Variants in LCE1F observed in about 807,000 individuals in gnomAD.
LCE1F encodes late cornified envelope protein 1F.
For missense variants in LCE1F, 154 were observed against 153.5 expected (o/e 1.00, Z -0.02); for synonymous variants, 67 against 59.9 (o/e 1.12, Z -0.55).
At chr1:152,775,959 A>ATTTTTTTTTTTTTTTTTTTTTTTTTTTT (rs1557832103) in intron 1 of LCE1F, among the ~76,000 whole-genome samples, 1 of 150,906 alleles carries the variant, frequency 6.6e-6, no homozygotes, top group African/African-American at 2.5e-5. Flanking sequence ...ATTTATTTTG[A>ATTTTTTTTTTTTTTTTTTTTTTTTTTTT]TTTTTCCTTA....
chr1:152,776,856 G>T lies in LCE1F; in HGVS notation c.*128G>T. On this transcript the variant is annotated 3_prime_UTR_variant, in exon 2 of 2. Coordinates refer to ENST00000334371, the MANE Select transcript of LCE1F (RefSeq NM_178354.3). ...AAACTCTGTCCTGGAAGATTCCTCC[G>T]ACCTAGAATCCAGAAATCTGCCCTC... is the stretch of plus-strand genomic sequence containing the variant. 1 of 1,145,902 alleles carries T rather than the reference G, an allele frequency of 8.7e-7. No individual in the cohort carries two copies. The highest frequency in any genetic ancestry group is 2.0e-5 in the South Asian group (1 of 50,906). The allele number at this position is 1,145,902 out of a possible 1,614,324, so 71.0% of individuals were successfully genotyped here.
chr1:152,775,773 CCCCGGAACAAA>C (rs1570846543), intron 1 of LCE1F, among the ~76,000 whole-genome samples: 2 of 152,244 alleles, frequency 1.3e-5, no homozygotes, highest in East Asian at 3.9e-4. Flanking sequence ...AACCAGGGGA[CCCCGGAACAAA>C]TGTGACTGTT....
At chr1:152,776,285 A>G (rs1306379210) in intron 1 of LCE1F, 65 bp from the exon 2 acceptor site, 2 of 1,371,034 alleles carry the variant, frequency 1.5e-6, no homozygotes, top group East Asian at 4.6e-5. Context: ...AATAATGCAG[A>G]AAGGACAAGA....
rs1489538087 is a variant in LCE1F at position 152,776,671 on chromosome 1, A to C, written c.300A>C (p.Ser100=). 1 of 1,599,158 alleles carries C rather than the reference A, an allele frequency of 6.3e-7. No individual in the cohort carries two copies. Among genetic ancestry groups the C allele is most frequent in the Non-Finnish European group, 8.5e-7 (1 of 1,172,002 alleles). ...GCTCTGACTGCTGCAGCCAGCCCTC[A>C]GCGGGCTCCAGCTGCTGCGGAGGGG... ...PQSSDCCSQP[S]AGSSCCGGGS... is the part of the protein sequence containing the mutation. The change falls in exon 2 of 2, where the codon TCA becomes TCC. Residue 100 remains serine, a synonymous_variant. Coordinates refer to ENST00000334371, the MANE Select transcript of LCE1F (RefSeq NM_178354.3).
rs753668891 is a variant in LCE1F at position 152,776,552 on chromosome 1, A to C, written c.181A>C (p.Ser61Arg). The part of the protein sequence containing the change: ...CCGSSSGGCC[S>R]SGGGGCCSSG... ...TGGCTCCAGCTCTGGGGGCTGCTGC[A>C]GCTCTGGGGGTGGTGGCTGCTGCAG... The change falls in exon 2 of 2, where the codon AGC becomes CGC. Residue 61 changes from serine (S) to arginine (R), a missense_variant. Physicochemically the swap from Ser to Arg is moderately radical, Grantham distance 110. Coordinates refer to ENST00000334371, the MANE Select transcript of LCE1F (RefSeq NM_178354.3). The C allele has an allele frequency of 6.2e-7, 1 of 1,613,614 alleles. No homozygotes were observed. The highest frequency in any genetic ancestry group is 2.2e-5 in the East Asian group (1 of 44,868).
In LCE1F at chr1:152,776,529, G is replaced by T. The variant is rs1220558682; in HGVS notation, c.158G>T (p.Gly53Val). Reference protein sequence around the residue: ...CCSVSSGGCCGSSSGGCCSSG... With the variant: ...CCSVSSGGCCVSSSGGCCSSG... ...AGCGTCAGCTCCGGAGGCTGCTGTG[G>T]CTCCAGCTCTGGGGGCTGCTGCAGC... Residue 53 changes from glycine (G) to valine (V), a missense_variant, in exon 2 of 2, where the codon GGC becomes GTC. Physicochemically the swap from Gly to Val is moderately radical, Grantham distance 109. Coordinates refer to ENST00000334371, the MANE Select transcript of LCE1F (RefSeq NM_178354.3). 6.2e-7 allele frequency: 1 copy of T among 1,612,514 alleles called. No homozygotes were observed. Among genetic ancestry groups the T allele is most frequent in the South Asian group, 1.1e-5 (1 of 91,014 alleles).
intron 1 of LCE1F, among the ~76,000 whole-genome samples, chr1:152,775,642 T>G (rs1651558737): frequency 6.6e-6 from 1 of 152,180 alleles, no homozygotes; most frequent in Admixed American, 6.5e-5. Flanking sequence ...TCTTGTTAGA[T>G]GCCAACAAGA....
At position 152,776,723 on chromosome 1, in the gene LCE1F, T is replaced by C; in HGVS notation, c.352T>C (p.Cys118Arg). The change falls in exon 2 of 2, where the codon TGC (cysteine) becomes CGC (arginine). Residue 118 changes from cysteine to arginine, a missense_variant. Physicochemically the swap from Cys to Arg is radical, Grantham distance 180 (BLOSUM62 -3). Transcript: ENST00000334371. ...CAGTGGCCAGCACTCTGGAGGCTGC[T>C]GCTGAAGTGGACCCTGTGCCTAAAA... ...GGSGQHSGGCC is the reference protein window; with the variant it reads ...GGSGQHSGGCR 1 of 1,551,118 alleles carries C rather than the reference T, an allele frequency of 6.4e-7. No individual in the cohort carries two copies. The highest frequency in any genetic ancestry group is 8.7e-7 in the Non-Finnish European group (1 of 1,151,006).
In LCE1F at chr1:152,776,497, C is replaced by T. The variant is rs778762635; in HGVS notation, c.126C>T (p.Ser42=). ...CCCCTAAGTGCCCTCCTGTCTCTTC[C>T]TGCTGCAGCGTCAGCTCCGGAGGCT... The part of the protein sequence containing the change: ...KCPPKCPPVS[S]CCSVSSGGCC... The change falls in exon 2 of 2, where the codon TCC becomes TCT. Residue 42 remains serine, a synonymous_variant. Transcript: ENST00000334371. The T allele has an allele frequency of 2.5e-6, 4 of 1,614,050 alleles. No homozygotes were observed. Among genetic ancestry groups the T allele is most frequent in the Non-Finnish European group, 3.4e-6 (4 of 1,180,048 alleles).
rs115678527 is a variant in LCE1F at position 152,776,419 on chromosome 1, C to A, written c.48C>A (p.Cys16Ter). The A allele has an allele frequency of 4.2e-4, 671 of 1,613,822 alleles. 6 individuals are homozygous for A. In the East Asian group the frequency reaches 0.014, roughly 35 times the overall value. The part of the protein sequence containing the change: ...SQQQCQPPPK[C>*]TPKCPPKCPT... The stretch of plus-strand genomic sequence containing the variant: ...AGCAGTGCCAGCCCCCTCCCAAGTG[C>A]ACTCCCAAGTGCCCTCCCAAGTGCC... Residue 16 changes from cysteine to a stop codon, truncating the protein, a stop_gained, in exon 2 of 2, where the codon TGC becomes TGA. Coordinates refer to ENST00000334371, the MANE Select transcript of LCE1F (RefSeq NM_178354.3). LOFTEE classifies it high-confidence loss of function.
Position 152,776,834 on chromosome 1 carries a change from C to T in LCE1F, c.*106C>T, listed in dbSNP as rs1384746087. The stretch of plus-strand genomic sequence containing the variant: ...GGGACATTTTAGTAAAGATTTCAAA[C>T]TCTGTCCTGGAAGATTCCTCCGACC... On this transcript the variant is annotated 3_prime_UTR_variant, in exon 2 of 2. Coordinates refer to ENST00000334371, the MANE Select transcript of LCE1F (RefSeq NM_178354.3). 9 of 1,337,030 alleles carry T rather than the reference C, an allele frequency of 6.7e-6. No individual in the cohort carries two copies. In the East Asian group the frequency reaches 1.2e-4, roughly 18 times the overall value. The allele number at this position is 1,337,030 out of a possible 1,614,324, so 82.8% of individuals were successfully genotyped here.
chr1:152,776,339 C>A lies in LCE1F; in HGVS notation c.-22-11C>A. The A allele has an allele frequency of 6.2e-7, 1 of 1,607,744 alleles. No homozygotes were observed. Among genetic ancestry groups the A allele is most frequent in the Non-Finnish European group, 8.5e-7 (1 of 1,174,974 alleles). ...TGCCTCCATCTAACTTGCTGTCTGA[C>A]CCTCCTTCAGCTCCTGAACACCCGC... is the stretch of plus-strand genomic sequence containing the variant. On this transcript the variant is annotated splice_polypyrimidine_tract_variant and intron_variant, in intron 1 of 1. Coordinates refer to ENST00000334371, the MANE Select transcript of LCE1F (RefSeq NM_178354.3).
rs754008367 is a variant in LCE1F at position 152,776,461 on chromosome 1, C to T, written c.90C>T (p.Pro30=). Residue 30 remains proline (P), a synonymous_variant, in exon 2 of 2, where the codon CCC becomes CCT. Coordinates refer to ENST00000334371, the MANE Select transcript of LCE1F (RefSeq NM_178354.3). ...CPPKCPTPKC[P]PKCPPKCPPV... ...CCAAGTGCCCCACACCGAAGTGCCC[C>T]CCAAAGTGTCCCCCTAAGTGCCCTC... 6.8e-6 allele frequency: 11 copies of T among 1,613,898 alleles called. No individual in the cohort carries two copies. Among genetic ancestry groups the T allele is most frequent in the South Asian group, 1.1e-5 (1 of 91,076 alleles).
At chr1:152,775,955 T>C (rs1479089266) in intron 1 of LCE1F, among the ~76,000 whole-genome samples, 5 of 152,196 alleles carry the variant, frequency 3.3e-5, no homozygotes, top group Admixed American at 3.3e-4. Flanking sequence ...AGAAATTTAT[T>C]TTGATTTTTC....
At chr1:152,776,261 A>T in intron 1 of LCE1F, 89 bp from the exon 2 acceptor site, 1 of 1,176,110 alleles carries the variant, frequency 8.5e-7, no homozygotes, top group Non-Finnish European at 1.2e-6. Context: ...GGCTTTCAAA[A>T]TGAAGGATCT....
chr1:152,776,554 C>T lies in LCE1F; in HGVS notation c.183C>T (p.Ser61=), dbSNP rs757163411. Residue 61 remains serine (S), a synonymous_variant, in exon 2 of 2, where the codon AGC becomes AGT. Transcript: ENST00000334371. Reference sequence around the variant, plus strand: ...GCTCCAGCTCTGGGGGCTGCTGCAGCTCTGGGGGTGGTGGCTGCTGCAGCT... The same window carrying T: ...GCTCCAGCTCTGGGGGCTGCTGCAGTTCTGGGGGTGGTGGCTGCTGCAGCT... ...CCGSSSGGCC[S]SGGGGCCSSG... is the part of the protein sequence containing the mutation. The T allele has an allele frequency of 6.2e-7, 1 of 1,613,808 alleles. No homozygotes were observed. The highest frequency in any genetic ancestry group is 1.3e-5 in the African/African-American group (1 of 74,930).
chr1:152,775,535 G>A (rs1258091573), intron 1 of LCE1F, among the ~76,000 whole-genome samples: 1 of 152,208 alleles, frequency 6.6e-6, no homozygotes, highest in Middle Eastern at 3.2e-3. Flanking sequence ...TGCATAGTGG[G>A]AATATAATTT....
intron 1 of LCE1F, among the ~76,000 whole-genome samples, 187 bp downstream of exon 1, chr1:152,775,377 T>G: frequency 6.6e-6 from 1 of 150,990 alleles, no homozygotes; most frequent in Non-Finnish European, 1.5e-5. Flanking sequence ...AGGGGTGGGG[T>G]GGAGTGAGAG....
chr1:152,776,352 C>T lies in LCE1F; in HGVS notation c.-20C>T, dbSNP rs1651591983. 6.2e-7 allele frequency: 1 copy of T among 1,609,408 alleles called. No individual in the cohort carries two copies. The highest frequency in any genetic ancestry group is 2.2e-5 in the East Asian group (1 of 44,686). On this transcript the variant is annotated splice_region_variant and 5_prime_UTR_variant, in exon 2 of 2. Coordinates refer to ENST00000334371, the MANE Select transcript of LCE1F (RefSeq NM_178354.3). ...CTTGCTGTCTGACCCTCCTTCAGCT[C>T]CTGAACACCCGCCACCGAGATGTCT...
Sources: gnomAD v4.1 joint callset for allele counts (sites outside exome capture counted in the v4.1 genomes callset) on GRCh38, gnomAD v4.1.1 for gene constraint, MANE v1.5 for transcripts, NCBI Gene and HGNC (gene_info 2026-07-23, HGNC 2026-07-21) for gene names.